The following TMTC2 variants were observed in gnomAD, a reference collection of about 807,000 sequenced individuals.
TMTC2 encodes the protein protein O-mannosyl-transferase TMTC2.
TMTC2 carries 43 observed loss-of-function variants against 82.4 expected under a neutral mutation model. That is an observed-to-expected ratio of 0.52 (90% CI 0.41 to 0.67). The LOEUF (loss-of-function observed/expected upper bound fraction) is 0.67, where lower values mean the gene tolerates loss of function less well. Among genes scored for constraint, TMTC2 ranks in the 30% least tolerant of loss-of-function variants. TMTC2 has a pLI of 0.00. For missense variants in TMTC2, 919 were observed against 1,012.4 expected, an observed-to-expected ratio of 0.91 and a Z score of 1.25; for synonymous variants, 408 against 381.9, an observed-to-expected ratio of 1.07 and a Z score of -0.80.
chr12:82,761,967 CTTTTTTT>C (rs55750088), intron 1 of TMTC2, among the ~76,000 whole-genome samples: 1 of 74,622 alleles, frequency 1.3e-5, no homozygotes, highest in Non-Finnish European at 2.6e-5. Flanking sequence ...TTTCCCTTTC[CTTTTTTT>C]TTTTTTTTTT....
chr12:82,773,901 T>A (rs1460860300), intron 1 of TMTC2, among the ~76,000 whole-genome samples: 1 of 152,098 alleles, frequency 6.6e-6, no homozygotes, highest in Non-Finnish European at 1.5e-5. Context: ...TTAGGGAAGA[T>A]TTTTCTGTGT....
intron 2 of TMTC2, among the ~76,000 whole-genome samples, chr12:82,890,816 G>A (rs1028352651): frequency 3.3e-4 from 50 of 152,096 alleles, no homozygotes; most frequent in African/African-American, 7.2e-4. Context: ...CATATCCAGC[G>A]TATAGAAGAG....
chr12:83,120,319 G>A (rs1365350517), intron 11 of TMTC2, among the ~76,000 whole-genome samples: 2 of 152,142 alleles, frequency 1.3e-5, no homozygotes, highest in African/African-American at 4.8e-5. Context: ...TTAGATCTCC[G>A]TTTAGCAGTT....
intron 10 of TMTC2, among the ~76,000 whole-genome samples, chr12:83,060,579 A>C (rs1393533690): frequency 6.6e-6 from 1 of 151,734 alleles, no homozygotes; most frequent in Non-Finnish European, 1.5e-5. Context: ...CATTATTGTC[A>C]CATCATAGAT....
intron 11 of TMTC2, among the ~76,000 whole-genome samples, chr12:83,131,788 A>G (rs1885262140): frequency 6.6e-6 from 1 of 152,240 alleles, no homozygotes; most frequent in South Asian, 2.1e-4. Context: ...GAGAAAACAA[A>G]GAATGAATAG....
intron 1 of TMTC2, among the ~76,000 whole-genome samples, chr12:82,728,958 G>A (rs527419690): frequency 2.6e-4 from 39 of 152,284 alleles, no homozygotes; most frequent in South Asian, 1.9e-3. Context: ...CTGCCTCCCC[G>A]CCAGGCAGGG....
At chr12:82,790,811 G>C (rs1294220815) in intron 1 of TMTC2, among the ~76,000 whole-genome samples, 2 of 150,312 alleles carry the variant, frequency 1.3e-5, no homozygotes, top group African/African-American at 4.9e-5. Flanking sequence ...TGGGCAATAA[G>C]GGTGAAACTC....
chr12:82,735,597 G>A (rs369887316), intron 1 of TMTC2, among the ~76,000 whole-genome samples: 12 of 151,554 alleles, frequency 7.9e-5, no homozygotes, highest in African/African-American at 2.9e-4. Context: ...CGCCCTCCTT[G>A]GCCTCCCAAA....
At chr12:82,851,536 A>G (rs148599244) in intron 1 of TMTC2, among the ~76,000 whole-genome samples, 366 of 152,332 alleles carry the variant, frequency 2.4e-3, no homozygotes, top group Non-Finnish European at 3.5e-3. Flanking sequence ...TCTCTAGTTT[A>G]CAGTTGAGGA....
intron 11 of TMTC2, among the ~76,000 whole-genome samples, chr12:83,076,628 G>A (rs189340017): frequency 4.6e-5 from 7 of 152,142 alleles, no homozygotes; most frequent in South Asian, 2.1e-4. Flanking sequence ...CCCCATCGCC[G>A]GTCACCACAT....
intron 2 of TMTC2, among the ~76,000 whole-genome samples, chr12:82,886,341 T>A (rs1873097662): frequency 6.6e-6 from 1 of 152,154 alleles, no homozygotes; most frequent in African/African-American, 2.4e-5. Flanking sequence ...AAGGAATAAA[T>A]ACAAAAAAAT....
chr12:82,988,370 A>G (rs1879258017), intron 8 of TMTC2, among the ~76,000 whole-genome samples: 1 of 152,194 alleles, frequency 6.6e-6, no homozygotes, highest in South Asian at 2.1e-4. Flanking sequence ...GAGGCAGCTG[A>G]CACAGAAAAG....
chr12:82,748,152 C>T (rs7316511), intron 1 of TMTC2, among the ~76,000 whole-genome samples: 150,321 of 152,122 alleles, frequency 0.99, 74,292 homozygotes, highest in Middle Eastern at 1. Context: ...TTCCTAAAAA[C>T]ACAAAAAAAT....
intron 1 of TMTC2, among the ~76,000 whole-genome samples, chr12:82,799,696 C>T (rs1290376109): frequency 1.3e-5 from 2 of 152,150 alleles, no homozygotes; most frequent in African/African-American, 4.8e-5. Flanking sequence ...TTCATCTTCA[C>T]ATAGTATTCT....
chr12:82,712,138 A>G (rs1163222288), intron 1 of TMTC2, among the ~76,000 whole-genome samples: 1 of 152,150 alleles, frequency 6.6e-6, no homozygotes, highest in Non-Finnish European at 1.5e-5. Context: ...GAGGTTTAAG[A>G]AGAGCCACCT....
At chr12:82,794,943 G>C (rs1042692358) in intron 1 of TMTC2, among the ~76,000 whole-genome samples, 2 of 152,082 alleles carry the variant, frequency 1.3e-5, no homozygotes, top group Non-Finnish European at 2.9e-5. Context: ...ATAAATAAAA[G>C]GAGGCCGGGA....
At chr12:83,112,444 T>G (rs913864435) in intron 11 of TMTC2, among the ~76,000 whole-genome samples, 9 of 152,220 alleles carry the variant, frequency 5.9e-5, no homozygotes, top group Non-Finnish European at 1.0e-4. Context: ...TTAACAAAGT[T>G]TTTTAAACTT....
intron 8 of TMTC2, among the ~76,000 whole-genome samples, chr12:83,008,883 T>G (rs1306245076): frequency 6.6e-6 from 1 of 152,200 alleles, no homozygotes; most frequent in Non-Finnish European, 1.5e-5. Flanking sequence ...TAGGTTTCCC[T>G]TAGTACTCTT....
intron 11 of TMTC2, among the ~76,000 whole-genome samples, chr12:83,115,850 C>G (rs1031765802): frequency 9.2e-5 from 14 of 152,114 alleles, no homozygotes; most frequent in Admixed American, 8.5e-4. Flanking sequence ...TGCAGTCGCA[C>G]GAGCTCGGCT....
Sources: allele counts gnomAD v4.1 joint callset (sites outside exome capture counted in the v4.1 genomes callset), GRCh38; gene constraint gnomAD v4.1.1; transcripts MANE v1.5; gene names NCBI Gene and HGNC (gene_info 2026-07-23, HGNC 2026-07-21).